Variants in DLG2 observed in about 807,000 individuals in gnomAD.
DLG2 encodes discs large MAGUK scaffold protein 2, also known as disks large homolog 2.
DLG2 carries 45 observed loss-of-function variants against 132.5 expected under a neutral mutation model. The ratio of observed to expected loss-of-function variants is 0.34; its 90% CI spans 0.27 to 0.44. DLG2 has a LOEUF of 0.44. Ranked by LOEUF, DLG2 falls within the 20% of genes least tolerant of loss-of-function variation. DLG2 has a pLI of 1.00. For missense variants in DLG2, 1,045 were observed against 1,196.9 expected, an observed-to-expected ratio of 0.87 and a Z score of 1.87; for synonymous variants, 424 against 419.6, an observed-to-expected ratio of 1.01 and a Z score of -0.13.
chr11:84,492,348 C>T (rs2099167393), intron 7 of DLG2, among the ~76,000 whole-genome samples: 1 of 152,204 alleles, frequency 6.6e-6, no homozygotes, highest in South Asian at 2.1e-4. Context: ...AAATCATTGT[C>T]AGTAGAGTGG....
At chr11:84,737,664 T>C (rs1014481827) in intron 6 of DLG2, among the ~76,000 whole-genome samples, 1 of 151,776 alleles carries the variant, frequency 6.6e-6, no homozygotes, top group African/African-American at 2.4e-5. Context: ...TGGAACAATA[T>C]TGTCAGTGGG....
chr11:83,604,809 T>TA lies in DLG2; in HGVS notation c.1940+28401dup, dbSNP rs1206251488. Among the ~76,000 whole-genome samples the TA allele has an allele frequency of 5.3e-5, 8 of 152,158 alleles. No homozygotes were observed. In the East Asian group the frequency reaches 1.3e-3, roughly 26 times the overall value. ...TTTTGCTGTGAACCTAAAACTGCTTTAAAAAAAGAAAATCTATAAGACAAA... is the reference window on the plus strand; with the variant it reads ...TTTTGCTGTGAACCTAAAACTGCTTTAAAAAAAAGAAAATCTATAAGACAAA... On this transcript the variant is annotated intron_variant, in intron 19 of 27. Coordinates refer to ENST00000376104, the MANE Select transcript of DLG2 (RefSeq NM_001142699.3).
intron 17 of DLG2, among the ~76,000 whole-genome samples, chr11:83,808,344 A>T (rs960846579): frequency 5.9e-5 from 9 of 152,134 alleles, no homozygotes; most frequent in African/African-American, 1.9e-4. Context: ...TCCTTGAATT[A>T]TGCTTCAGCC....
chr11:84,749,936 T>C (rs897155189), intron 6 of DLG2, among the ~76,000 whole-genome samples: 4 of 152,182 alleles, frequency 2.6e-5, no homozygotes, highest in African/African-American at 7.2e-5. Flanking sequence ...TCACCTGCTA[T>C]ATCCAAAATA....
intron 3 of DLG2, among the ~76,000 whole-genome samples, chr11:85,575,378 A>T (rs1219504347): frequency 2.0e-5 from 3 of 151,714 alleles, no homozygotes; most frequent in African/African-American, 7.3e-5. Flanking sequence ...TCTATGAAAA[A>T]ATTAAAAATT....
intron 6 of DLG2, among the ~76,000 whole-genome samples, chr11:84,654,696 T>C (rs111275027): frequency 3.9e-5 from 6 of 152,212 alleles, no homozygotes; most frequent in African/African-American, 1.4e-4. Context: ...TGGATCTTAC[T>C]TACTTTTGAA....
At chr11:85,076,911 T>G (rs949114157) in intron 6 of DLG2, among the ~76,000 whole-genome samples, 3 of 152,160 alleles carry the variant, frequency 2.0e-5, no homozygotes, top group Admixed American at 2.0e-4. Flanking sequence ...GACATGACCT[T>G]GTCCTCAGAA....
chr11:85,354,747 A>T lies in DLG2; in HGVS notation c.41-69382T>A, dbSNP rs186977455. ...CACTGTTTCTCTCTCTCTCTCTCTC[A>T]CACACACACACACACATACACGCAT... On this transcript the variant is annotated intron_variant, in intron 3 of 27. Coordinates refer to ENST00000376104, the MANE Select transcript of DLG2 (RefSeq NM_001142699.3). Among the ~76,000 whole-genome samples the T allele has an allele frequency of 2.7e-3, 395 of 147,652 alleles. 1 individual carries two copies. Among genetic ancestry groups the T allele is most frequent in the African/African-American group, 8.6e-3 (349 of 40,762 alleles).
At chr11:84,912,063 C>T (rs1254499979) in intron 6 of DLG2, among the ~76,000 whole-genome samples, 1 of 152,188 alleles carries the variant, frequency 6.6e-6, no homozygotes, top group African/African-American at 2.4e-5. Context: ...AAATGTTCAG[C>T]TACATAAGCC....
At chr11:84,213,525 A>C (rs11233948) in intron 8 of DLG2, among the ~76,000 whole-genome samples, 4,057 of 152,244 alleles carry the variant, frequency 0.027, 151 homozygotes, top group African/African-American at 0.09. Flanking sequence ...ACTAAATTAG[A>C]ATGTATGTAA....
At chr11:85,501,746 G>C (rs2093809510) in intron 3 of DLG2, among the ~76,000 whole-genome samples, 1 of 152,060 alleles carries the variant, frequency 6.6e-6, no homozygotes, top group Admixed American at 6.6e-5. Flanking sequence ...TCAGAATGGT[G>C]ATCATTAAAA....
chr11:83,478,157 A>C (rs1362693734), intron 22 of DLG2, among the ~76,000 whole-genome samples: 2 of 152,122 alleles, frequency 1.3e-5, no homozygotes, highest in Non-Finnish European at 2.9e-5. Context: ...AGAGGACCTC[A>C]TGTATAGTAG....
intron 7 of DLG2, among the ~76,000 whole-genome samples, chr11:84,353,393 G>A (rs1172448522): frequency 6.6e-6 from 1 of 152,056 alleles, no homozygotes; most frequent in East Asian, 1.9e-4. Context: ...CATTCACTCA[G>A]CTGCACAAAC....
At chr11:83,667,697 A>T (rs1272280075) in intron 18 of DLG2, among the ~76,000 whole-genome samples, 1 of 152,120 alleles carries the variant, frequency 6.6e-6, no homozygotes, top group African/African-American at 2.4e-5. Context: ...TTAAAGGAAG[A>T]GGCCGGGCGC....
At position 83,643,161 on chromosome 11, in the gene DLG2, G is replaced by T. The variant is rs1441951218; in HGVS notation, c.1826-9836C>A. On this transcript the variant is annotated intron_variant, in intron 18 of 27. Transcript: ENST00000376104. ...GGTGACAAAAGTAATTCATACCAAT[G>T]CAGTTTTTTAAAAATATCCCAACCT... Among the ~76,000 whole-genome samples the T allele has an allele frequency of 2.6e-5, 4 of 152,102 alleles. 1 individual carries two copies. The highest frequency in any genetic ancestry group is 1.5e-5 in the Non-Finnish European group (1 of 68,008).
chr11:83,480,589 C>A (rs1355964389), intron 22 of DLG2: 1 of 1,553,254 alleles, frequency 6.4e-7, no homozygotes, highest in Admixed American at 1.9e-5. Flanking sequence ...ACTTTATCTC[C>A]ATTTTACAGG....
chr11:85,428,323 C>T (rs547060454), intron 3 of DLG2, among the ~76,000 whole-genome samples: 1 of 152,320 alleles, frequency 6.6e-6, no homozygotes, highest in South Asian at 2.1e-4. Flanking sequence ...ACAGAATATA[C>T]ATTCTTCTCA....
intron 3 of DLG2, among the ~76,000 whole-genome samples, chr11:85,463,993 C>CACACACACACAT (rs1289764183): frequency 6.8e-6 from 1 of 146,676 alleles, no homozygotes; most frequent in Non-Finnish European, 1.5e-5. Flanking sequence ...TACATGTACA[C>CACACACACACAT]ACACACACAC....
intron 16 of DLG2, among the ~76,000 whole-genome samples, chr11:83,837,999 G>A (rs1158896503): frequency 6.6e-6 from 1 of 152,204 alleles, no homozygotes; most frequent in Non-Finnish European, 1.5e-5. Context: ...ATAAACACAC[G>A]TATAGACATT....
Sources: allele counts gnomAD v4.1 joint callset (sites outside exome capture counted in the v4.1 genomes callset), GRCh38; gene constraint gnomAD v4.1.1; transcripts MANE v1.5; gene names NCBI Gene and HGNC (gene_info 2026-07-23, HGNC 2026-07-21).